SORCS1: variants seen among roughly 807,000 people sequenced by gnomAD.
SORCS1 encodes sortilin related VPS10 domain containing receptor 1, also known as VPS10 domain-containing receptor SorCS1.
A neutral mutation model predicts 146.1 loss-of-function variants in SORCS1; 60 were observed. That is an observed-to-expected ratio of 0.41 (90% CI 0.33 to 0.51). SORCS1 has a LOEUF of 0.51. Ranked by LOEUF, SORCS1 falls within the 20% of genes least tolerant of loss-of-function variation. The probability of loss-of-function intolerance (pLI) is 0.21; values close to 1 mark genes in which losing one functional copy is unlikely to be tolerated. For synonymous variants in SORCS1, 637 were observed against 584.0 expected (o/e 1.09, Z -1.31); for missense variants, 1,352 against 1,487.6 (o/e 0.91, Z 1.50).
At chr10:106,992,548 G>A (rs1589871493) in intron 1 of SORCS1, among the ~76,000 whole-genome samples, 1 of 151,898 alleles carries the variant, frequency 6.6e-6, no homozygotes, top group African/African-American at 2.4e-5. Flanking sequence ...GTACTGGAGT[G>A]CAGTGGCACA....
chr10:107,028,866 G>A (rs1024242441), intron 1 of SORCS1, among the ~76,000 whole-genome samples: 1 of 152,184 alleles, frequency 6.6e-6, no homozygotes, highest in African/African-American at 2.4e-5. Flanking sequence ...AAGTAGATGT[G>A]TGACCCCTGC....
intron 8 of SORCS1, 120 bp from the exon 9 acceptor site, chr10:106,699,513 G>T: frequency 2.6e-6 from 2 of 766,580 alleles, no homozygotes; most frequent in Non-Finnish European, 4.0e-6. Flanking sequence ...ATGGAAGATA[G>T]CTTCCTTTTG....
At chr10:106,820,585 G>C (rs1275684634) in intron 3 of SORCS1, among the ~76,000 whole-genome samples, 1 of 152,216 alleles carries the variant, frequency 6.6e-6, no homozygotes, top group Non-Finnish European at 1.5e-5. Context: ...TTTTATTAAA[G>C]ATTCATCCAC....
chr10:106,646,726 G>A (rs538300302), intron 18 of SORCS1, among the ~76,000 whole-genome samples: 2 of 151,958 alleles, frequency 1.3e-5, no homozygotes, highest in Admixed American at 1.3e-4. Flanking sequence ...GTTAGTATTA[G>A]CTTTCAAATT....
At chr10:107,128,118 G>T (rs1275147015) in intron 1 of SORCS1, among the ~76,000 whole-genome samples, 2 of 152,102 alleles carry the variant, frequency 1.3e-5, no homozygotes, top group Non-Finnish European at 2.9e-5. Context: ...TAAGTATAAG[G>T]TCTTACAATC....
At chr10:106,854,664 A>G (rs1219280950) in intron 2 of SORCS1, among the ~76,000 whole-genome samples, 1 of 151,984 alleles carries the variant, frequency 6.6e-6, no homozygotes, top group Non-Finnish European at 1.5e-5. Flanking sequence ...AGTTTGCAAT[A>G]CATATTTACC....
rs564837788 is a variant in SORCS1, at chr10:106,981,714, G to A, written c.559-25134C>T. Among the ~76,000 whole-genome samples the A allele has an allele frequency of 6.6e-4, 100 of 152,136 alleles. 1 individual carries two copies. The highest frequency in any genetic ancestry group is 2.2e-3 in the African/African-American group (91 of 41,512). On this transcript the variant is annotated intron_variant, in intron 1 of 25. Coordinates refer to ENST00000263054, the MANE Select transcript of SORCS1 (RefSeq NM_052918.5). ...GCCTGAGGCATACTAAAAAATGGCC[G>A]TGCTCAGGAAAATAACCAATATCCA... is the stretch of plus-strand genomic sequence containing the variant.
intron 18 of SORCS1, among the ~76,000 whole-genome samples, chr10:106,647,007 G>GTGTA (rs1293898053): frequency 7.4e-5 from 10 of 134,234 alleles, no homozygotes; most frequent in African/African-American, 2.5e-4. Context: ...GTTTGTATGT[G>GTGTA]TATATATATA....
intron 10 of SORCS1, among the ~76,000 whole-genome samples, chr10:106,681,724 G>C (rs1589652260): frequency 6.6e-6 from 1 of 152,164 alleles, no homozygotes; most frequent in African/African-American, 2.4e-5. Context: ...CTAGCCAGGA[G>C]AGCACCCAAC....
rs1335278625 is a variant in SORCS1, at chr10:106,989,670, G to GTTT, written c.559-33093_559-33091dup. ...CTCTTTATATACTCATATTTTTTCT[G>GTTT]TTTTTTTTTGTTTTTTTTTTTTTTT... On this transcript the variant is annotated intron_variant, in intron 1 of 25. Coordinates refer to ENST00000263054, the MANE Select transcript of SORCS1 (RefSeq NM_052918.5). 2.3e-4 allele frequency among the ~76,000 whole-genome samples: 27 copies of GTTT among 116,432 alleles called. 2 individuals are homozygous for GTTT. The highest frequency in any genetic ancestry group is 1.2e-3 in the African/African-American group (26 of 22,206). 76.4% of individuals were successfully genotyped at this position (116,432 alleles called of 152,430 possible).
At chr10:106,727,266 G>A (rs1036241767) in intron 6 of SORCS1, among the ~76,000 whole-genome samples, 2 of 152,144 alleles carry the variant, frequency 1.3e-5, no homozygotes, top group Admixed American at 1.3e-4. Flanking sequence ...CTGACAACTG[G>A]TCAGCCGGGT....
chr10:106,962,999 G>A (rs935232259), intron 1 of SORCS1, among the ~76,000 whole-genome samples: 1 of 151,808 alleles, frequency 6.6e-6, no homozygotes, highest in Non-Finnish European at 1.5e-5. Context: ...AGATCCTGAG[G>A]AAAGCAAATA....
intron 1 of SORCS1, among the ~76,000 whole-genome samples, chr10:107,038,700 G>C (rs750866354): frequency 5.7e-4 from 11 of 19,202 alleles, no homozygotes; most frequent in Middle Eastern, 0.05. Context: ...AGGGGGCGGG[G>C]GGGGAGGTGG....
intron 17 of SORCS1, among the ~76,000 whole-genome samples, chr10:106,663,672 G>C (rs1393877557): frequency 2.0e-5 from 3 of 152,162 alleles, no homozygotes; most frequent in Non-Finnish European, 2.9e-5. Context: ...TCTTTTCCAA[G>C]TTCACCAACA....
At chr10:106,998,614 C>T (rs1240358645) in intron 1 of SORCS1, among the ~76,000 whole-genome samples, 1 of 152,198 alleles carries the variant, frequency 6.6e-6, no homozygotes, top group Non-Finnish European at 1.5e-5. Flanking sequence ...AATGCGAAAC[C>T]ACTATTATCT....
At chr10:106,882,600 T>G (rs988221018) in intron 2 of SORCS1, among the ~76,000 whole-genome samples, 5 of 152,136 alleles carry the variant, frequency 3.3e-5, no homozygotes, top group African/African-American at 9.7e-5. Context: ...CTAGATACTT[T>G]AGGCTAAAAT....
intron 1 of SORCS1, among the ~76,000 whole-genome samples, chr10:106,958,817 AC>A (rs1955087501): frequency 6.6e-6 from 1 of 152,110 alleles, no homozygotes. Flanking sequence ...AATTTCAATC[AC>A]CGCCATCCCA....
chr10:106,919,511 A>G (rs1444863075), intron 2 of SORCS1, among the ~76,000 whole-genome samples: 2 of 152,204 alleles, frequency 1.3e-5, no homozygotes, highest in African/African-American at 2.4e-5. Flanking sequence ...ACATTGCTTC[A>G]TTATCAGATA....
chr10:106,745,938 CCAA>C (rs1857706047), intron 5 of SORCS1, among the ~76,000 whole-genome samples: 1 of 152,062 alleles, frequency 6.6e-6, no homozygotes, highest in Non-Finnish European at 1.5e-5. Context: ...GATATTCTTC[CCAA>C]CAATCTATAA....
Sources: allele counts gnomAD v4.1 joint callset (sites outside exome capture counted in the v4.1 genomes callset), GRCh38; gene constraint gnomAD v4.1.1; transcripts MANE v1.5; gene names NCBI Gene and HGNC (gene_info 2026-07-23, HGNC 2026-07-21).